The following IL12B variants were observed in gnomAD, a reference collection of about 807,000 sequenced individuals.
IL12B encodes the protein interleukin-12 subunit beta.
Under a neutral mutation model 39.2 loss-of-function variants are expected in IL12B, and 27 were observed. The observed-to-expected ratio is 0.69, with a 90% CI of 0.51 to 0.95. IL12B has a LOEUF of 0.95. Among genes scored for constraint, IL12B ranks in the 40% least tolerant of loss-of-function variants. The pLI, the probability that IL12B is intolerant of heterozygous loss-of-function variation, is 0.00. For synonymous variants in IL12B, 142 were observed against 152.1 expected (o/e 0.93, Z 0.49); for missense variants, 351 against 397.6 (o/e 0.88, Z 1.00).
Position 159,316,748 on chromosome 5 carries a change from C to G in IL12B, c.924G>C (p.Val308=), listed in dbSNP as rs1455125152. The change falls in exon 7 of 8, where the codon GTG becomes GTC. Residue 308 remains valine, a synonymous_variant. Coordinates refer to ENST00000231228, the MANE Select transcript of IL12B (RefSeq NM_002187.3). ...AGCTATAGTAGCGGTCCTGGGCCCGCACGCTAATGCTGGCATTTTTGCGGC... is the reference window on the plus strand; with the variant it reads ...AGCTATAGTAGCGGTCCTGGGCCCGGACGCTAATGCTGGCATTTTTGCGGC... The part of the protein sequence containing the change: ...VICRKNASIS[V]RAQDRYYSSS... The G allele has an allele frequency of 6.2e-7, 1 of 1,614,150 alleles. No homozygotes were observed. Among genetic ancestry groups the G allele is most frequent in the East Asian group, 2.2e-5 (1 of 44,884 alleles).
intron 4 of IL12B, among the ~76,000 whole-genome samples, chr5:159,322,143 G>A (rs1470332261): frequency 6.6e-6 from 1 of 152,054 alleles, no homozygotes; most frequent in South Asian, 2.1e-4. Flanking sequence ...TGGATGAGTG[G>A]GTTCAAACAC....
chr5:159,324,810 C>G (rs1303073464), intron 2 of IL12B, among the ~76,000 whole-genome samples: 2 of 152,148 alleles, frequency 1.3e-5, no homozygotes, highest in African/African-American at 4.8e-5. Flanking sequence ...TCGTTATTGG[C>G]CTCTGGATGT....
intron 1 of IL12B, among the ~76,000 whole-genome samples, chr5:159,328,154 C>T (rs1223385527): frequency 6.6e-6 from 1 of 152,148 alleles, no homozygotes; most frequent in East Asian, 1.9e-4. Flanking sequence ...ACTTTATTCC[C>T]TTATAAAGTT....
intron 1 of IL12B, among the ~76,000 whole-genome samples, chr5:159,328,630 T>C (rs575788361): frequency 9.9e-5 from 15 of 152,272 alleles, no homozygotes; most frequent in African/African-American, 3.4e-4. Context: ...TGCACAGAGG[T>C]ACTGCAATTA....
chr5:159,318,898 G>A lies in IL12B; in HGVS notation c.698-5C>T. ...TCTTGGGTGGGTCAGGTTTGACTGT[G>A]GAAGAGGATAAACATGCTTTATTTT... On this transcript the variant is annotated splice_region_variant and splice_polypyrimidine_tract_variant and intron_variant, in intron 5 of 7. Coordinates refer to ENST00000231228, the MANE Select transcript of IL12B (RefSeq NM_002187.3). 3 of 1,613,114 alleles carry A rather than the reference G, an allele frequency of 1.9e-6. No homozygotes were observed. The highest frequency in any genetic ancestry group is 2.5e-6 in the Non-Finnish European group (3 of 1,179,368).
intron 2 of IL12B, among the ~76,000 whole-genome samples, chr5:159,324,344 T>C (rs1562114175): frequency 6.6e-6 from 1 of 152,236 alleles, no homozygotes; most frequent in South Asian, 2.1e-4. Flanking sequence ...GAGTGTGTCA[T>C]AGCAAAGCTT....
Position 159,326,633 on chromosome 5 carries a change from G to A in IL12B, c.88+62C>T, listed in dbSNP as rs1016519583. On this transcript the variant is annotated intron_variant, in intron 2 of 7. Coordinates refer to ENST00000231228, the MANE Select transcript of IL12B (RefSeq NM_002187.3). ...ATTTCAGTTTGATTTCCCACCAGTGGCTGCCCAAGAGTCCTGGCTTAGAAG... is the reference window on the plus strand; with the variant it reads ...ATTTCAGTTTGATTTCCCACCAGTGACTGCCCAAGAGTCCTGGCTTAGAAG... 5 of 1,183,360 alleles carry A rather than the reference G, an allele frequency of 4.2e-6. No homozygotes were observed. The Admixed American group carries it at 5.1e-5, about 12-fold the overall frequency. 73.3% of individuals were successfully genotyped at this position (1,183,360 alleles called of 1,614,324 possible). A position where few individuals can be genotyped will look rare whatever the true frequency, so the allele number is the denominator to read the frequency against.
At position 159,319,477 on chromosome 5, in the gene IL12B, G is replaced by A. The variant is rs554279690; in HGVS notation, c.698-584C>T. On this transcript the variant is annotated intron_variant, in intron 5 of 7. Coordinates refer to ENST00000231228, the MANE Select transcript of IL12B (RefSeq NM_002187.3). Reference sequence around the variant, plus strand: ...CTGTGCATGAAGGATACAGCAGTGAGTTTCACAAAGACTCCTTCCTCAATT... The same window carrying A: ...CTGTGCATGAAGGATACAGCAGTGAATTTCACAAAGACTCCTTCCTCAATT... Among the ~76,000 whole-genome samples, 11 of 152,358 alleles carry A rather than the reference G, an allele frequency of 7.2e-5. No individual in the cohort carries two copies. The South Asian group carries it at 1.9e-3, about 26-fold the overall frequency.
At chr5:159,324,514 T>C (rs1046656628) in intron 2 of IL12B, among the ~76,000 whole-genome samples, 1 of 152,134 alleles carries the variant, frequency 6.6e-6, no homozygotes, top group African/African-American at 2.4e-5. Flanking sequence ...TTGGGATGGA[T>C]TTAGTTATAT....
In IL12B at chr5:159,315,018, AG is replaced by A. The variant is rs886060353; in HGVS notation, c.*1082del. 5 of 152,294 alleles carry A rather than the reference AG, an allele frequency of 3.3e-5. No homozygotes were observed. In the East Asian group the frequency reaches 9.4e-4, roughly 29 times the overall value. 9.4% of individuals were successfully genotyped at this position (152,294 alleles called of 1,614,324 possible). A position where few individuals can be genotyped will look rare whatever the true frequency, so the allele number is the denominator to read the frequency against. On this transcript the variant is annotated 3_prime_UTR_variant, in exon 8 of 8. Transcript: ENST00000231228. ...TCTGCTTCTCACAGGGCTGTTAAGA[AG>A]CCACCTGCCATTCTGACAATTTCAT...
At chr5:159,321,344 ATT>A (rs200751097) in intron 4 of IL12B, among the ~76,000 whole-genome samples, 1 of 136,172 alleles carries the variant, frequency 7.3e-6, no homozygotes, top group African/African-American at 2.9e-5. Context: ...TTGTATACAC[ATT>A]TTATATATAT....
At chr5:159,327,506 C>T (rs1332563710) in intron 1 of IL12B, among the ~76,000 whole-genome samples, 3 of 152,184 alleles carry the variant, frequency 2.0e-5, no homozygotes, top group Non-Finnish European at 4.4e-5. Flanking sequence ...ACTACTCTCT[C>T]CCATATAGAG....
At chr5:159,317,652 T>C (rs2853696) in intron 6 of IL12B, among the ~76,000 whole-genome samples, 132,855 of 152,270 alleles carry the variant, frequency 0.87, 58,187 homozygotes, top group East Asian at 1. Flanking sequence ...TGCTGTAAGG[T>C]GAGGAAGCTG....
At chr5:159,322,974 T>C in intron 3 of IL12B, 80 bp downstream of exon 3, 1 of 1,403,814 alleles carries the variant, frequency 7.1e-7, no homozygotes, top group Non-Finnish European at 1.0e-6. Context: ...ATGACTTGGC[T>C]TTTCAATTTG....
chr5:159,316,082 T>G lies in IL12B; in HGVS notation c.*19A>C, dbSNP rs1485495438. The G allele has an allele frequency of 6.5e-6, 1 of 153,646 alleles. No individual in the cohort carries two copies. The highest frequency in any genetic ancestry group is 1.4e-5 in the Non-Finnish European group (1 of 68,974). The allele number at this position is 153,646 out of a possible 1,614,324, so 9.5% of individuals were successfully genotyped here. Reference sequence around the variant, plus strand: ...AATATCTTCCACTTTTCCTCCAAATTTTCATCCTGGATCAGAACCTGGAAG... The same window carrying G: ...AATATCTTCCACTTTTCCTCCAAATGTTCATCCTGGATCAGAACCTGGAAG... On this transcript the variant is annotated 3_prime_UTR_variant, in exon 8 of 8. Transcript: ENST00000231228.
At chr5:159,319,318 A>T (rs1011421383) in intron 5 of IL12B, among the ~76,000 whole-genome samples, 2 of 152,220 alleles carry the variant, frequency 1.3e-5, no homozygotes, top group Non-Finnish European at 2.9e-5. Flanking sequence ...TTTTCTATTT[A>T]CTGCCCTTTC....
intron 2 of IL12B, among the ~76,000 whole-genome samples, 195 bp downstream of exon 2, chr5:159,326,500 A>G (rs111982336): frequency 2.0e-5 from 3 of 152,204 alleles, no homozygotes; most frequent in East Asian, 1.9e-4. Context: ...ATGTCATCCA[A>G]TGTGAAAACC....
intron 2 of IL12B, among the ~76,000 whole-genome samples, chr5:159,326,000 A>G (rs551484658): frequency 6.6e-6 from 1 of 152,330 alleles, no homozygotes; most frequent in Admixed American, 6.5e-5. Context: ...GGATAATAAA[A>G]AGTATCTCTT....
At position 159,315,626 on chromosome 5, in the gene IL12B, T is replaced by C. The variant is rs1373335496; in HGVS notation, c.*475A>G. ...TGCGTTCCCATCCATCACAAGTGTA[T>C]GATGGCACTGGTATCAGAACACTGC... On this transcript the variant is annotated 3_prime_UTR_variant, in exon 8 of 8. Transcript: ENST00000231228. 6.5e-6 allele frequency: 1 copy of C among 152,764 alleles called. No homozygotes were observed. The highest frequency in any genetic ancestry group is 1.5e-5 in the Non-Finnish European group (1 of 68,042). 9.5% of individuals were successfully genotyped at this position (152,764 alleles called of 1,614,324 possible).
Sources: gnomAD v4.1 joint callset for allele counts (sites outside exome capture counted in the v4.1 genomes callset) on GRCh38, gnomAD v4.1.1 for gene constraint, MANE v1.5 for transcripts, NCBI Gene and HGNC (gene_info 2026-07-23, HGNC 2026-07-21) for gene names.